The following PTPRG variants were observed in gnomAD, a reference collection of about 807,000 sequenced individuals.
The protein encoded by PTPRG is receptor-type tyrosine-protein phosphatase gamma.
Under a neutral mutation model 165.3 loss-of-function variants are expected in PTPRG, and 102 were observed. That is an observed-to-expected ratio of 0.62 (90% CI 0.53 to 0.73). The LOEUF (loss-of-function observed/expected upper bound fraction) is 0.73, where lower values mean the gene tolerates loss of function less well. Ranked by LOEUF, PTPRG falls within the 30% of genes least tolerant of loss-of-function variation. The pLI is 0.00. For synonymous variants in PTPRG, 675 were observed against 669.5 expected (o/e 1.01, Z -0.13); for missense variants, 1,866 against 1,861.4 (o/e 1.00, Z -0.05).
intron 3 of PTPRG, among the ~76,000 whole-genome samples, chr3:62,000,043 G>A (rs1694889337): frequency 6.6e-6 from 1 of 152,114 alleles, no homozygotes; most frequent in Non-Finnish European, 1.5e-5. Flanking sequence ...ACTCACACCT[G>A]TGTAATCTCG....
At chr3:62,036,008 A>G (rs927746325) in intron 4 of PTPRG, among the ~76,000 whole-genome samples, 1 of 151,864 alleles carries the variant, frequency 6.6e-6, no homozygotes, top group Non-Finnish European at 1.5e-5. Flanking sequence ...TCTATGTGCC[A>G]GACAGTGCTC....
chr3:61,794,880 A>T (rs958376160), intron 2 of PTPRG, among the ~76,000 whole-genome samples: 2 of 152,146 alleles, frequency 1.3e-5, no homozygotes, highest in African/African-American at 2.4e-5. Context: ...GGTTCATATT[A>T]TATTGATGAT....
At chr3:62,153,108 A>G (rs184103175) in intron 6 of PTPRG, among the ~76,000 whole-genome samples, 155 of 152,374 alleles carry the variant, frequency 1.0e-3, no homozygotes, top group African/African-American at 3.5e-3. Context: ...TTAAGTACCT[A>G]CATAACATCT....
chr3:61,807,109 AT>A (rs1198159951), intron 2 of PTPRG, among the ~76,000 whole-genome samples: 1 of 152,212 alleles, frequency 6.6e-6, no homozygotes, highest in African/African-American at 2.4e-5. Context: ...AGCCATTCAA[AT>A]TCCTATTAAA....
intron 1 of PTPRG, among the ~76,000 whole-genome samples, chr3:61,739,646 A>G (rs1481106012): frequency 6.6e-6 from 1 of 152,244 alleles, no homozygotes; most frequent in Non-Finnish European, 1.5e-5. Flanking sequence ...CTACAGGACT[A>G]CTGGAAGAAT....
At chr3:61,927,241 G>A (rs2107575627) in intron 2 of PTPRG, among the ~76,000 whole-genome samples, 1 of 152,250 alleles carries the variant, frequency 6.6e-6, no homozygotes, top group Non-Finnish European at 1.5e-5. Context: ...AAAACACTGA[G>A]GGCTTCCCTG....
Position 62,078,218 on chromosome 3 carries a change from C to T in PTPRG, c.575C>T (p.Ser192Phe), listed in dbSNP as rs148863663. The change falls in exon 5 of 30, where the codon TCT becomes TTT. Residue 192 changes from serine (S) to phenylalanine (F), a missense_variant. Coordinates refer to ENST00000474889, the MANE Select transcript of PTPRG (RefSeq NM_002841.4). Reference protein sequence around the residue: ...DDFDSFQTAISENRIIGAMAI... With the variant: ...DDFDSFQTAIFENRIIGAMAI... ...TTTGACAGCTTTCAAACCGCAATTT[C>T]TGAGAACAGAATAATCGGAGCCATG... is the stretch of plus-strand genomic sequence containing the variant. The T allele has an allele frequency of 3.2e-5, 52 of 1,610,406 alleles. 1 individual carries two copies. The African/African-American group carries it at 6.3e-4, about 19-fold the overall frequency.
intron 2 of PTPRG, among the ~76,000 whole-genome samples, chr3:61,895,612 G>A (rs1433013959): frequency 2.0e-5 from 3 of 152,116 alleles, no homozygotes; most frequent in Non-Finnish European, 4.4e-5. Flanking sequence ...ATCACCAGGA[G>A]GGCATTTTAT....
At chr3:62,124,627 TGAGACC>T (rs1703218141) in intron 5 of PTPRG, 13 of 141,574 alleles carry the variant, frequency 9.2e-5, no homozygotes, top group Middle Eastern at 1.5e-3. Context: ...CGAGGGAAGG[TGAGACC>T]GGGAGGGAGC....
chr3:61,849,609 G>C (rs1260464174), intron 2 of PTPRG, among the ~76,000 whole-genome samples: 3 of 152,190 alleles, frequency 2.0e-5, no homozygotes, highest in Admixed American at 2.0e-4. Flanking sequence ...AGGTGATGAT[G>C]CAGTGTGAGG....
chr3:61,735,156 A>C (rs1010742182), intron 1 of PTPRG, among the ~76,000 whole-genome samples: 4 of 152,250 alleles, frequency 2.6e-5, no homozygotes, highest in African/African-American at 9.6e-5. Flanking sequence ...AGAGCTATTT[A>C]AACAGACCTA....
At chr3:62,030,200 T>G (rs1699719507) in intron 4 of PTPRG, among the ~76,000 whole-genome samples, 1 of 117,282 alleles carries the variant, frequency 8.5e-6, no homozygotes, top group South Asian at 2.4e-4. Context: ...TCCCTGTGTT[T>G]TTTTTTTTTT....
chr3:61,963,075 G>C (rs1364655154), intron 2 of PTPRG, among the ~76,000 whole-genome samples: 1 of 151,988 alleles, frequency 6.6e-6, no homozygotes, highest in African/African-American at 2.4e-5. Context: ...TATCCTTCCA[G>C]GGTTTCTTTA....
intron 5 of PTPRG, among the ~76,000 whole-genome samples, chr3:62,102,336 G>A (rs373804983): frequency 7.9e-5 from 12 of 152,006 alleles, no homozygotes; most frequent in East Asian, 3.9e-4. Context: ...GTGCAGTGGC[G>A]CAATCTTGGC....
chr3:62,276,993 T>C lies in PTPRG; in HGVS notation c.3581T>C (p.Leu1194Pro), dbSNP rs754605649. Reference protein sequence around the residue: ...VVPSERARVGLAPLPGMKGTD... With the variant: ...VVPSERARVGPAPLPGMKGTD... ...ATAGCTGAGCGTGCTCGAGTGGGTCTTGCACCATTGCCTGGAATGAAAGGA... is the reference window on the plus strand; with the variant it reads ...ATAGCTGAGCGTGCTCGAGTGGGTCCTGCACCATTGCCTGGAATGAAAGGA... The change falls in exon 25 of 30, where the codon CTT (leucine) becomes CCT (proline). Residue 1194 changes from leucine to proline, a missense_variant. Transcript: ENST00000474889. 7 of 1,613,126 alleles carry C rather than the reference T, an allele frequency of 4.3e-6. No individual in the cohort carries two copies. In the East Asian group the frequency reaches 1.1e-4, roughly 26 times the overall value.
At chr3:62,110,658 T>C (rs903201400) in intron 5 of PTPRG, among the ~76,000 whole-genome samples, 6 of 152,188 alleles carry the variant, frequency 3.9e-5, no homozygotes, top group African/African-American at 1.4e-4. Context: ...TTAGCATTTG[T>C]ATTGCTTCAT....
intron 8 of PTPRG, among the ~76,000 whole-genome samples, chr3:62,189,992 T>A (rs72878107): frequency 0.01 from 1,537 of 152,208 alleles, 28 homozygotes; most frequent in African/African-American, 0.036. Context: ...CTCAGTTACA[T>A]GAACCTTCCT....
chr3:61,840,345 A>C (rs749012300), intron 2 of PTPRG, among the ~76,000 whole-genome samples: 5 of 152,188 alleles, frequency 3.3e-5, no homozygotes, highest in Non-Finnish European at 5.9e-5. Flanking sequence ...AAATCTTTAA[A>C]ATTTAAAATA....
intron 8 of PTPRG, among the ~76,000 whole-genome samples, chr3:62,172,786 C>A (rs1705267915): frequency 6.6e-6 from 1 of 152,180 alleles, no homozygotes; most frequent in Non-Finnish European, 1.5e-5. Context: ...TCAGGTAATT[C>A]AAAACGAGCA....
Sources: gnomAD v4.1 joint callset for allele counts (sites outside exome capture counted in the v4.1 genomes callset) on GRCh38, gnomAD v4.1.1 for gene constraint, MANE v1.5 for transcripts, NCBI Gene and HGNC (gene_info 2026-07-23, HGNC 2026-07-21) for gene names.